Variants in RIMS1 observed in about 807,000 individuals in gnomAD.
RIMS1 encodes regulating synaptic membrane exocytosis protein 1.
A neutral mutation model predicts 214.1 loss-of-function variants in RIMS1; 83 were observed. The observed-to-expected ratio is 0.39, with a 90% CI of 0.32 to 0.47. The LOEUF is 0.47. Among genes scored for constraint, RIMS1 ranks in the 20% least tolerant of loss-of-function variants. RIMS1 has a pLI of 0.99. For missense variants in RIMS1, 2,050 were observed against 2,161.8 expected, an observed-to-expected ratio of 0.95 and a Z score of 1.03; for synonymous variants, 793 against 786.8, an observed-to-expected ratio of 1.01 and a Z score of -0.13.
chr6:71,972,682 C>T (rs1360509729), intron 2 of RIMS1, among the ~76,000 whole-genome samples: 2 of 151,896 alleles, frequency 1.3e-5, no homozygotes, highest in Non-Finnish European at 2.9e-5. Context: ...GAGTCATATG[C>T]CTGCTATTCC....
At position 72,290,785 on chromosome 6, in the gene RIMS1, T is replaced by G. The variant is rs371070168; in HGVS notation, c.3661T>G (p.Ser1221Ala). The G allele has an allele frequency of 5.6e-6, 9 of 1,613,666 alleles. No individual in the cohort carries two copies. Among genetic ancestry groups the G allele is most frequent in the Non-Finnish European group, 7.6e-6 (9 of 1,179,792 alleles). ...HPARSRSSEH[S>A]SIRTLCSMHH... ...TGCTCGCTCAAGGTCGAGTGAGCAC[T>G]CTAGTATCAGAACACTGTGTTCTAT... Residue 1221 changes from serine (S) to alanine (A), a missense_variant, in exon 25 of 34, where the codon TCT (serine) becomes GCT (alanine). Around this residue, in one of 6 missense-constraint regions of RIMS1, gnomAD observed 889 missense variants for 885.5 expected, o/e 1.00. Coordinates refer to ENST00000521978, the MANE Select transcript of RIMS1 (RefSeq NM_014989.7).
In RIMS1 at chr6:72,308,630, C is replaced by G. The variant is rs568108064; in HGVS notation, c.3963+1260C>G. The stretch of plus-strand genomic sequence containing the variant: ...AAAATACGATTTATCACCAAGACTA[C>G]CATAGAGTCATGTGTGTTTGATACA... On this transcript the variant is annotated intron_variant, in intron 27 of 33. Coordinates refer to ENST00000521978, the MANE Select transcript of RIMS1 (RefSeq NM_014989.7). 2.1e-3 allele frequency among the ~76,000 whole-genome samples: 319 copies of G among 152,178 alleles called. 4 individuals are homozygous for G. Among genetic ancestry groups the G allele is most frequent in the African/African-American group, 7.0e-3 (292 of 41,534 alleles).
At chr6:72,233,160 G>A (rs2062665472) in intron 6 of RIMS1, among the ~76,000 whole-genome samples, 2 of 151,628 alleles carry the variant, frequency 1.3e-5, no homozygotes, top group African/African-American at 2.4e-5. Flanking sequence ...ATATTGTTAA[G>A]CCAAAAGATC....
At chr6:72,054,452 T>G (rs1424172005) in intron 2 of RIMS1, among the ~76,000 whole-genome samples, 2 of 152,218 alleles carry the variant, frequency 1.3e-5, no homozygotes, top group Non-Finnish European at 2.9e-5. Flanking sequence ...AGTAATGGGA[T>G]TGCTGGCTTA....
At chr6:72,111,926 C>A (rs1243873014) in intron 4 of RIMS1, among the ~76,000 whole-genome samples, 1 of 152,124 alleles carries the variant, frequency 6.6e-6, no homozygotes, top group Non-Finnish European at 1.5e-5. Flanking sequence ...GTATCTATAA[C>A]AGAGTTCTAA....
intron 28 of RIMS1, among the ~76,000 whole-genome samples, chr6:72,321,503 G>A (rs147108958): frequency 1.0e-3 from 159 of 152,122 alleles, no homozygotes; most frequent in African/African-American, 3.5e-3. Context: ...AACATTATCG[G>A]CTTGTTTAGT....
chr6:72,184,543 A>G (rs554018936), intron 6 of RIMS1, among the ~76,000 whole-genome samples: 1 of 152,356 alleles, frequency 6.6e-6, no homozygotes, highest in African/African-American at 2.4e-5. Flanking sequence ...TCGTCATATA[A>G]CAAAGCAGAA....
chr6:72,162,255 TC>T (rs1461478262), intron 4 of RIMS1, among the ~76,000 whole-genome samples: 1 of 140,682 alleles, frequency 7.1e-6, no homozygotes, highest in African/African-American at 2.5e-5. Context: ...TCTTCCTTCA[TC>T]CCTTTATTTT....
chr6:72,332,753 A>G (rs537125466), intron 28 of RIMS1, among the ~76,000 whole-genome samples: 2 of 151,800 alleles, frequency 1.3e-5, no homozygotes, highest in South Asian at 4.2e-4. Flanking sequence ...CAACTCTCAG[A>G]CGTAGTTTAC....
At chr6:72,300,451 T>C (rs899162555) in intron 26 of RIMS1, among the ~76,000 whole-genome samples, 2 of 151,784 alleles carry the variant, frequency 1.3e-5, no homozygotes, top group African/African-American at 4.8e-5. Context: ...CAATCAAGTC[T>C]TTCAGGATAG....
At chr6:72,120,944 T>C (rs1314806129) in intron 4 of RIMS1, among the ~76,000 whole-genome samples, 1 of 151,940 alleles carries the variant, frequency 6.6e-6, no homozygotes, top group Non-Finnish European at 1.5e-5. Context: ...GTTAAGTTTG[T>C]CAAAGACTAG....
At position 72,015,812 on chromosome 6, in the gene RIMS1, G is replaced by T. The variant is rs1341277489; in HGVS notation, c.245+46749G>T. Among the ~76,000 whole-genome samples, 4 of 152,094 alleles carry T rather than the reference G, an allele frequency of 2.6e-5. No individual in the cohort carries two copies. In the East Asian group the frequency reaches 5.8e-4, roughly 22 times the overall value. On this transcript the variant is annotated intron_variant, in intron 2 of 33. Coordinates refer to ENST00000521978, the MANE Select transcript of RIMS1 (RefSeq NM_014989.7). ...ATGATGGCGGGTGCCTGTAGTCCCA[G>T]CTACTTGGGAGGCTGAGGCAGGAGA...
At chr6:72,254,103 A>G (rs147647140) in intron 16 of RIMS1, among the ~76,000 whole-genome samples, 194 of 152,232 alleles carry the variant, frequency 1.3e-3, no homozygotes, top group Middle Eastern at 3.4e-3. Flanking sequence ...TGACCTCATG[A>G]TCCGCCCACC....
At chr6:72,127,469 T>C (rs2039748296) in intron 4 of RIMS1, among the ~76,000 whole-genome samples, 1 of 152,220 alleles carries the variant, frequency 6.6e-6, no homozygotes, top group Non-Finnish European at 1.5e-5. Flanking sequence ...AGAATTTATT[T>C]TGTGAGGCCA....
chr6:72,136,988 G>A (rs953355590), intron 4 of RIMS1, among the ~76,000 whole-genome samples: 3 of 151,966 alleles, frequency 2.0e-5, no homozygotes, highest in African/African-American at 7.2e-5. Context: ...AGTCTTGGAT[G>A]TTTTAGTTAA....
At chr6:72,282,891 A>C (rs1563521070) in intron 23 of RIMS1, among the ~76,000 whole-genome samples, 1 of 152,104 alleles carries the variant, frequency 6.6e-6, no homozygotes, top group Non-Finnish European at 1.5e-5. Flanking sequence ...CTGAAAACAC[A>C]CAGCTGAAAC....
At chr6:72,245,508 A>AT (rs1563003497) in intron 10 of RIMS1, among the ~76,000 whole-genome samples, 2 of 152,014 alleles carry the variant, frequency 1.3e-5, no homozygotes, top group Non-Finnish European at 2.9e-5. Context: ...TACCTTTAAC[A>AT]TTTTTTATTT....
intron 4 of RIMS1, among the ~76,000 whole-genome samples, chr6:72,142,658 C>G (rs2042216910): frequency 6.6e-6 from 1 of 152,088 alleles, no homozygotes; most frequent in South Asian, 2.1e-4. Context: ...AATTAAGCAG[C>G]AATCATCTTG....
At chr6:72,325,867 A>T (rs1339308887) in intron 28 of RIMS1, among the ~76,000 whole-genome samples, 1 of 151,812 alleles carries the variant, frequency 6.6e-6, no homozygotes, top group Non-Finnish European at 1.5e-5. Context: ...TCCACCAGAC[A>T]CCTTTAGGAG....
Sources: allele counts gnomAD v4.1 joint callset (sites outside exome capture counted in the v4.1 genomes callset), GRCh38; gene constraint gnomAD v4.1.1; regional missense constraint gnomAD v4.1.1; transcripts MANE v1.5; gene names NCBI Gene and HGNC (gene_info 2026-07-23, HGNC 2026-07-21).